The following ST6GALNAC3 variants were observed in gnomAD, a reference collection of about 807,000 sequenced individuals.
The protein encoded by ST6GALNAC3 is ST6 N-acetylgalactosaminide alpha-2,6-sialyltransferase 3.
ST6GALNAC3 carries 25 observed loss-of-function variants against 32.7 expected under a neutral mutation model. The ratio of observed to expected loss-of-function variants is 0.76; its 90% CI spans 0.56 to 1.07. The LOEUF (loss-of-function observed/expected upper bound fraction) is 1.07, where lower values mean the gene tolerates loss of function less well. Ranked by LOEUF, ST6GALNAC3 falls within the 50% of genes least tolerant of loss-of-function variation. The probability of loss-of-function intolerance (pLI) is 0.00; values close to 1 mark genes in which losing one functional copy is unlikely to be tolerated. For missense variants in ST6GALNAC3, 355 were observed against 382.4 expected (o/e 0.93, Z 0.60); for synonymous variants, 129 against 133.1 (o/e 0.97, Z 0.21).
At chr1:76,318,555 A>G (rs898089302) in intron 2 of ST6GALNAC3, among the ~76,000 whole-genome samples, 2 of 152,138 alleles carry the variant, frequency 1.3e-5, no homozygotes, top group Non-Finnish European at 2.9e-5. Flanking sequence ...TAGATTTTGC[A>G]ACAGACCCTG....
intron 3 of ST6GALNAC3, among the ~76,000 whole-genome samples, chr1:76,604,149 G>A (rs962642106): frequency 2.0e-5 from 3 of 152,092 alleles, no homozygotes; most frequent in African/African-American, 2.4e-5. Flanking sequence ...ATTTTTAATA[G>A]GTAAGAAGTA....
At chr1:76,603,828 C>T (rs1647358494) in intron 3 of ST6GALNAC3, among the ~76,000 whole-genome samples, 1 of 152,144 alleles carries the variant, frequency 6.6e-6, no homozygotes, top group Non-Finnish European at 1.5e-5. Context: ...ACAGCTAATG[C>T]TCTATTTCTT....
chr1:76,456,593 GA>G (rs1234975450), intron 3 of ST6GALNAC3, among the ~76,000 whole-genome samples: 4 of 151,898 alleles, frequency 2.6e-5, no homozygotes, highest in Admixed American at 6.6e-5. Context: ...CAGAACCAAA[GA>G]AAAAAACCAC....
intron 3 of ST6GALNAC3, among the ~76,000 whole-genome samples, chr1:76,606,322 C>T (rs1336541201): frequency 1.3e-5 from 2 of 152,070 alleles, no homozygotes; most frequent in Admixed American, 6.5e-5. Flanking sequence ...ACTCAAATGC[C>T]CATCAATGAC....
chr1:76,627,420 T>C, intron 3 of ST6GALNAC3, 32 bp from the exon 4 acceptor site: 1 of 1,394,050 alleles, frequency 7.2e-7, no homozygotes, highest in Non-Finnish European at 1.0e-6. Context: ...TGTTTTGTTC[T>C]GTTTGTTATT....
intron 2 of ST6GALNAC3, among the ~76,000 whole-genome samples, chr1:76,386,768 G>T (rs1366267627): frequency 3.3e-5 from 5 of 152,082 alleles, no homozygotes; most frequent in Non-Finnish European, 7.4e-5. Flanking sequence ...ACCAGCAAGA[G>T]ATTATTCTTC....
intron 1 of ST6GALNAC3, among the ~76,000 whole-genome samples, chr1:76,202,268 A>ATGTGTGTGTGTGTGTGTGTG (rs58107501): frequency 4.1e-5 from 6 of 145,330 alleles, no homozygotes; most frequent in Admixed American, 1.4e-4. Context: ...GTGTGCATGC[A>ATGTGTGTGTGTGTGTGTGTG]TGTGTGTGTG....
At chr1:76,443,150 T>C (rs1167091699) in intron 3 of ST6GALNAC3, among the ~76,000 whole-genome samples, 1 of 152,152 alleles carries the variant, frequency 6.6e-6, no homozygotes, top group Non-Finnish European at 1.5e-5. Flanking sequence ...TTTTTTGTTG[T>C]TGTTGTTTTG....
At chr1:76,108,957 G>A (rs1163144547) in intron 1 of ST6GALNAC3, among the ~76,000 whole-genome samples, 1 of 152,020 alleles carries the variant, frequency 6.6e-6, no homozygotes, top group Non-Finnish European at 1.5e-5. Context: ...CCTTTGGGGT[G>A]CCTTAGTTCA....
chr1:76,296,385 GTTCTC>G (rs1271898124), intron 1 of ST6GALNAC3, among the ~76,000 whole-genome samples: 2 of 152,060 alleles, frequency 1.3e-5, no homozygotes, highest in African/African-American at 2.4e-5. Flanking sequence ...AAATTCAGTT[GTTCTC>G]TTTTCTTTCT....
At chr1:76,289,270 C>T (rs537962116) in intron 1 of ST6GALNAC3, among the ~76,000 whole-genome samples, 1 of 152,284 alleles carries the variant, frequency 6.6e-6, no homozygotes, top group South Asian at 2.1e-4. Flanking sequence ...GGCACATTTT[C>T]TCTGAGAGGT....
At chr1:76,457,886 G>T (rs1274006547) in intron 3 of ST6GALNAC3, among the ~76,000 whole-genome samples, 1 of 150,180 alleles carries the variant, frequency 6.7e-6, no homozygotes, top group Admixed American at 6.6e-5. Context: ...TGACAAATGG[G>T]ATCTAATTAA....
chr1:76,093,272 A>G (rs1318837051), intron 1 of ST6GALNAC3, among the ~76,000 whole-genome samples: 1 of 152,228 alleles, frequency 6.6e-6, no homozygotes, highest in Non-Finnish European at 1.5e-5. Context: ...GCCTGTCTCA[A>G]TGCTGTGTGC....
intron 1 of ST6GALNAC3, among the ~76,000 whole-genome samples, chr1:76,250,214 A>G (rs1310521962): frequency 6.6e-6 from 1 of 152,202 alleles, no homozygotes; most frequent in East Asian, 1.9e-4. Flanking sequence ...AAAAACACAT[A>G]TACATAAAAT....
chr1:76,389,011 C>CTTTTTTTTTTTTTTTTTT lies in ST6GALNAC3; in HGVS notation c.214-22997_214-22996insTTTTTTTTTTTTTTTTTT, dbSNP rs138986165. ...GGTGTGGTTGTTAGTTGGTATATTT[C>CTTTTTTTTTTTTTTTTTT]CTTTTTTTTTTTTTTTTGAGACAGA... On this transcript the variant is annotated intron_variant, in intron 2 of 4. Coordinates refer to ENST00000328299, the MANE Select transcript of ST6GALNAC3 (RefSeq NM_152996.4). Among the ~76,000 whole-genome samples the CTTTTTTTTTTTTTTTTTT allele has an allele frequency of 8.3e-5, 9 of 107,908 alleles. 3 individuals carry two copies. Among genetic ancestry groups the CTTTTTTTTTTTTTTTTTT allele is most frequent in the Non-Finnish European group, 1.4e-4 (8 of 56,182 alleles). The allele number at this position is 107,908 out of a possible 152,430, so 70.8% of individuals were successfully genotyped here.
At position 76,603,705 on chromosome 1, in the gene ST6GALNAC3, C is replaced by A. The variant is rs11804628; in HGVS notation, c.624-23747C>A. ...AAATTTTTTTAGAGATGAAGTCTCA[C>A]TCTGTCACCCAGGCTAGAGTGCAGT... On this transcript the variant is annotated intron_variant, in intron 3 of 4. Coordinates refer to ENST00000328299, the MANE Select transcript of ST6GALNAC3 (RefSeq NM_152996.4). Among the ~76,000 whole-genome samples the A allele has an allele frequency of 5.9e-3, 899 of 152,294 alleles. 5 individuals carry two copies. Among genetic ancestry groups the A allele is most frequent in the African/African-American group, 0.02 (848 of 41,552 alleles).
At chr1:76,095,198 A>C (rs1015845550) in intron 1 of ST6GALNAC3, among the ~76,000 whole-genome samples, 2 of 152,156 alleles carry the variant, frequency 1.3e-5, no homozygotes, top group African/African-American at 4.8e-5. Flanking sequence ...CATAGTAATC[A>C]TATCTGCTGT....
At chr1:76,623,868 G>A (rs1648800035) in intron 3 of ST6GALNAC3, among the ~76,000 whole-genome samples, 1 of 151,902 alleles carries the variant, frequency 6.6e-6, no homozygotes, top group African/African-American at 2.4e-5. Flanking sequence ...AGTGCTATCA[G>A]GCCAGTGAGT....
chr1:76,289,163 AT>A (rs1359182599), intron 1 of ST6GALNAC3, among the ~76,000 whole-genome samples: 3 of 152,146 alleles, frequency 2.0e-5, no homozygotes, highest in African/African-American at 7.2e-5. Context: ...CTCAACCTCT[AT>A]TTGCTACAAA....
Sources: gnomAD v4.1 joint callset for allele counts (sites outside exome capture counted in the v4.1 genomes callset) on GRCh38, gnomAD v4.1.1 for gene constraint, MANE v1.5 for transcripts, NCBI Gene and HGNC (gene_info 2026-07-23, HGNC 2026-07-21) for gene names.